SLC35B3: variants seen among roughly 807,000 people sequenced by gnomAD.
SLC35B3 encodes adenosine 3'-phospho 5'-phosphosulfate transporter 2.
Under a neutral mutation model 44.1 loss-of-function variants are expected in SLC35B3, and 35 were observed. The ratio of observed to expected loss-of-function variants is 0.79; its 90% confidence interval spans 0.61 to 1.05. The LOEUF is 1.05. Among genes scored for constraint, SLC35B3 ranks in the 50% least tolerant of loss-of-function variants. SLC35B3 has a pLI of 0.00. For synonymous variants in SLC35B3, 146 were observed against 167.3 expected, an observed-to-expected ratio of 0.87 and a Z score of 0.98; for missense variants, 414 against 476.4, an observed-to-expected ratio of 0.87 and a Z score of 1.22.
At position 8,420,903 on chromosome 6, in the gene SLC35B3, T is replaced by C. The variant is rs1471759330; in HGVS notation, c.575-75A>G. 36 of 1,151,814 alleles carry C rather than the reference T, an allele frequency of 3.1e-5. No individual in the cohort carries two copies. Among genetic ancestry groups the C allele is most frequent in the South Asian group, 6.1e-5 (4 of 65,248 alleles). The allele number at this position is 1,151,814 out of a possible 1,614,324, so 71.3% of individuals were successfully genotyped here. On this transcript the variant is annotated intron_variant, in intron 5 of 10. Coordinates refer to ENST00000644923, the MANE Select transcript of SLC35B3 (RefSeq NM_001370476.2). This position sits in a 1 kb window ranked among gnomAD's most constrained non-coding sequence, Gnocchi z 4.4. ...CTTTATATTTGCTCTATGTGTTAAG[T>C]AGAACATGGATTTGTTTTTTTATAT... is the stretch of plus-strand genomic sequence containing the variant.
rs762508037 is a variant in SLC35B3, at chr6:8,434,969, G to C, written c.-44+374C>G. 4 of 623,544 alleles carry C rather than the reference G, an allele frequency of 6.4e-6. No individual in the cohort carries two copies. The highest frequency in any genetic ancestry group is 8.9e-6 in the Non-Finnish European group (4 of 447,446). 38.6% of individuals were successfully genotyped at this position (623,544 alleles called of 1,614,324 possible). The stretch of plus-strand genomic sequence containing the variant: ...TGGAGTGCCCCTATTTAATAAACAC[G>C]GAACGAGGAAACAGTTAACTGTAAA... On this transcript the variant is annotated intron_variant, in intron 1 of 10. Coordinates refer to ENST00000644923, the MANE Select transcript of SLC35B3 (RefSeq NM_001370476.2). This position sits in a 1 kb window ranked among gnomAD's most constrained non-coding sequence, Gnocchi z 6.3.
intron 10 of SLC35B3, among the ~76,000 whole-genome samples, chr6:8,414,198 T>C (rs1490820396): frequency 6.6e-6 from 1 of 152,150 alleles, no homozygotes; most frequent in Admixed American, 6.6e-5. Flanking sequence ...ACCTAGTACA[T>C]ACAGAAAGAA....
intron 7 of SLC35B3, among the ~76,000 whole-genome samples, chr6:8,418,564 AAAC>A (rs1348720827): frequency 3.6e-5 from 5 of 139,752 alleles, no homozygotes; most frequent in African/African-American, 5.8e-5. Context: ...CAAAAAAAAA[AAAC>A]AGTTACAAGA....
In SLC35B3 at chr6:8,433,525, T is replaced by C. The variant is rs977236974; in HGVS notation, c.3+860A>G. Among the ~76,000 whole-genome samples, 18 of 152,178 alleles carry C rather than the reference T, an allele frequency of 1.2e-4. No homozygotes were observed. Among genetic ancestry groups the C allele is most frequent in the African/African-American group, 4.3e-4 (18 of 41,454 alleles). On this transcript the variant is annotated intron_variant, in intron 2 of 10. Transcript: ENST00000644923. This position sits in a 1 kb window ranked among gnomAD's most constrained non-coding sequence, Gnocchi z 4.1. ...TTTAATCAACGTTATTCAGCTCCTT[T>C]CCAACACTTTACCACTTCTAATACA...
rs1641982415 is a variant in SLC35B3, at chr6:8,419,498, TATA to T, written c.780+79_780+81del. The T allele has an allele frequency of 1.3e-5, 9 of 671,674 alleles. No homozygotes were observed. Among genetic ancestry groups the T allele is most frequent in the Non-Finnish European group, 2.2e-5 (9 of 410,500 alleles). 41.6% of individuals were successfully genotyped at this position (671,674 alleles called of 1,614,324 possible). A position where few individuals can be genotyped will look rare whatever the true frequency, so the allele number is the denominator to read the frequency against. On this transcript the variant is annotated intron_variant, in intron 7 of 10. Coordinates refer to ENST00000644923, the MANE Select transcript of SLC35B3 (RefSeq NM_001370476.2). This position sits in a 1 kb window ranked among gnomAD's most constrained non-coding sequence, Gnocchi z 4.3. ...ATGAGTTTAAAAATGCAATGCTAGT[TATA>T]ATAATTATTTCATCAAATTACGTGT...
chr6:8,423,064 T>C (rs1050449093), intron 4 of SLC35B3, among the ~76,000 whole-genome samples: 7 of 152,310 alleles, frequency 4.6e-5, no homozygotes, highest in African/African-American at 1.7e-4. Flanking sequence ...CTCAGCTAAG[T>C]GCAACCTCTG....
At chr6:8,421,308 C>A (rs1448949211) in intron 5 of SLC35B3, among the ~76,000 whole-genome samples, 1 of 152,012 alleles carries the variant, frequency 6.6e-6, no homozygotes, top group Non-Finnish European at 1.5e-5. Context: ...TTTCATATAT[C>A]ATTATTTTAA....
intron 2 of SLC35B3, 108 bp from the exon 2 acceptor site, chr6:8,430,265 ATATTAG>A (rs1454727244): frequency 1.0e-6 from 1 of 968,420 alleles, no homozygotes; most frequent in Non-Finnish European, 1.5e-6. Flanking sequence ...TTCTCTCTGG[ATATTAG>A]TATATTAATT....
At chr6:8,417,259 C>G (rs1762493226) in intron 8 of SLC35B3, 143 bp downstream of exon 7, 2 of 635,938 alleles carry the variant, frequency 3.1e-6, no homozygotes, top group Non-Finnish European at 5.5e-6. Context: ...CATTTCATTT[C>G]TGAAATTAAT....
At position 8,411,465 on chromosome 6, in the gene SLC35B3, A is replaced by T. The variant is rs773656663; in HGVS notation, c.*2084T>A. ...CTTTGATAAGTCAAATTTATATTTT[A>T]TCAAAGATTTGAGAAAGTTGACAAG... On this transcript the variant is annotated 3_prime_UTR_variant, in exon 11 of 11. Transcript: ENST00000644923. 6.6e-6 allele frequency among the ~76,000 whole-genome samples: 1 copy of T among 152,372 alleles called. No individual in the cohort carries two copies. The highest frequency in any genetic ancestry group is 1.9e-4 in the East Asian group (1 of 5,190).
In SLC35B3 at chr6:8,411,969, G is replaced by C. The variant is rs1213393921; in HGVS notation, c.*1580C>G. ...AAAACTATGCATGCAACATTCCTATGGTCTGAATGTTTGTGTCCCCCTGAG... is the reference window on the plus strand; with the variant it reads ...AAAACTATGCATGCAACATTCCTATCGTCTGAATGTTTGTGTCCCCCTGAG... On this transcript the variant is annotated 3_prime_UTR_variant, in exon 11 of 11. Coordinates refer to ENST00000644923, the MANE Select transcript of SLC35B3 (RefSeq NM_001370476.2). 6.6e-6 allele frequency among the ~76,000 whole-genome samples: 1 copy of C among 152,074 alleles called. No individual in the cohort carries two copies. Among genetic ancestry groups the C allele is most frequent in the Non-Finnish European group, 1.5e-5 (1 of 68,016 alleles).
chr6:8,421,495 CTT>C (rs1380577510), intron 5 of SLC35B3, among the ~76,000 whole-genome samples: 1 of 152,108 alleles, frequency 6.6e-6, no homozygotes, highest in Non-Finnish European at 1.5e-5. Flanking sequence ...TTTTTAAAGG[CTT>C]ATTCTGGGAT....
intron 4 of SLC35B3, among the ~76,000 whole-genome samples, chr6:8,426,718 A>G (rs2327048): frequency 0.51 from 77,099 of 151,928 alleles, 20,731 homozygotes; most frequent in African/African-American, 0.71. Flanking sequence ...CAGGAGTGAG[A>G]TGTTGCTGAA....
At chr6:8,425,636 A>G (rs549317501) in intron 4 of SLC35B3, among the ~76,000 whole-genome samples, 2 of 152,302 alleles carry the variant, frequency 1.3e-5, no homozygotes, top group South Asian at 4.1e-4. Flanking sequence ...TTAAATATGT[A>G]AAACTGTAGT....
chr6:8,425,249 A>C (rs1459275517), intron 4 of SLC35B3, among the ~76,000 whole-genome samples: 2 of 152,180 alleles, frequency 1.3e-5, no homozygotes, highest in Non-Finnish European at 2.9e-5. Flanking sequence ...TTTCACCTAC[A>C]AAGATAGTAT....
At chr6:8,429,116 G>A (rs1237226503) in intron 3 of SLC35B3, among the ~76,000 whole-genome samples, 2 of 152,038 alleles carry the variant, frequency 1.3e-5, no homozygotes, top group African/African-American at 4.8e-5. Flanking sequence ...GAATTACAAA[G>A]GTTTTCTCAA....
Position 8,411,729 on chromosome 6 carries a change from C to T in SLC35B3, c.*1820G>A, listed in dbSNP as rs1018389494. ...CATATGCACATAACAGATTAAATAG[C>T]CATCAGAATACAATGGAATTTTAAG... On this transcript the variant is annotated 3_prime_UTR_variant, in exon 11 of 11. Coordinates refer to ENST00000644923, the MANE Select transcript of SLC35B3 (RefSeq NM_001370476.2). Among the ~76,000 whole-genome samples the T allele has an allele frequency of 6.6e-5, 10 of 152,176 alleles. No individual in the cohort carries two copies. Among genetic ancestry groups the T allele is most frequent in the African/African-American group, 1.7e-4 (7 of 41,504 alleles).
In SLC35B3 at chr6:8,420,626, G is replaced by T; in HGVS notation, c.682+95C>A. 2.3e-6 allele frequency: 2 copies of T among 854,610 alleles called. No homozygotes were observed. The highest frequency in any genetic ancestry group is 3.7e-6 in the Non-Finnish European group (2 of 538,112). The allele number at this position is 854,610 out of a possible 1,614,324, so 52.9% of individuals were successfully genotyped here. On this transcript the variant is annotated intron_variant, in intron 6 of 10. Transcript: ENST00000644923. The surrounding 1 kb of genome is among the most constrained non-coding windows in gnomAD (Gnocchi z 4.4). Reference sequence around the variant, plus strand: ...TATGTTAGATATGAAAATTGCAGCTGTCACACTATCATTTAAAATGCTTAC... The same window carrying T: ...TATGTTAGATATGAAAATTGCAGCTTTCACACTATCATTTAAAATGCTTAC...
chr6:8,429,598 A>G (rs1763763148), intron 3 of SLC35B3, among the ~76,000 whole-genome samples: 1 of 152,172 alleles, frequency 6.6e-6, no homozygotes, highest in Non-Finnish European at 1.5e-5. Context: ...TCTTGGAAGC[A>G]CACATTTTGT....
Sources: gnomAD v4.1 joint callset for allele counts (sites outside exome capture counted in the v4.1 genomes callset) on GRCh38, gnomAD v4.1.1 for gene constraint, Gnocchi (gnomAD v3.1) non-coding constraint, MANE v1.5 for transcripts, NCBI Gene and HGNC (gene_info 2026-07-23, HGNC 2026-07-21) for gene names.